TBC1D22A: variants seen among roughly 807,000 people sequenced by gnomAD.
The protein encoded by TBC1D22A is TBC1 domain family member 22A.
TBC1D22A carries 38 observed loss-of-function variants against 60.2 expected under a neutral mutation model. The ratio of observed to expected loss-of-function variants is 0.63; its 90% CI spans 0.49 to 0.83. The LOEUF (loss-of-function observed/expected upper bound fraction) is 0.83. Among genes scored for constraint, TBC1D22A ranks in the 40% least tolerant of loss-of-function variants. The pLI is 0.00. For synonymous variants in TBC1D22A, 302 were observed against 281.7 expected (o/e 1.07, Z -0.72); for missense variants, 628 against 701.0 (o/e 0.90, Z 1.18).
intron 11 of TBC1D22A, among the ~76,000 whole-genome samples, chr22:47,102,239 G>C (rs1697213928): frequency 6.6e-6 from 1 of 152,198 alleles, no homozygotes; most frequent in African/African-American, 2.4e-5. Context: ...GGACAGGCCT[G>C]GTGGCATGGA....
rs546282265 is a variant in TBC1D22A at position 46,956,913 on chromosome 22, G to A, written c.1016-17377G>A. Reference sequence around the variant, plus strand: ...TGCTGGTTAGGCTGGGGCCAGATCCGGCCTGAACTAAGTTCCAGAAGGGTG... The same window carrying A: ...TGCTGGTTAGGCTGGGGCCAGATCCAGCCTGAACTAAGTTCCAGAAGGGTG... On this transcript the variant is annotated intron_variant, in intron 8 of 12. Transcript: ENST00000337137. 8.5e-5 allele frequency among the ~76,000 whole-genome samples: 13 copies of A among 152,312 alleles called. No individual in the cohort carries two copies. In the East Asian group the frequency reaches 1.4e-3, roughly 16 times the overall value.
chr22:46,946,326 C>T (rs2072538013), intron 8 of TBC1D22A, among the ~76,000 whole-genome samples: 1 of 152,236 alleles, frequency 6.6e-6, no homozygotes, highest in South Asian at 2.1e-4. Flanking sequence ...ACACAGGCTT[C>T]TCCCACCAGG....
intron 8 of TBC1D22A, among the ~76,000 whole-genome samples, chr22:46,957,367 G>A (rs1232005188): frequency 6.6e-6 from 1 of 152,228 alleles, no homozygotes; most frequent in African/African-American, 2.4e-5. Context: ...AGCATGGCTG[G>A]AAGGCCTTAG....
chr22:46,853,448 C>T (rs1047079385), intron 4 of TBC1D22A, among the ~76,000 whole-genome samples: 2 of 152,220 alleles, frequency 1.3e-5, no homozygotes, highest in Admixed American at 6.5e-5. Context: ...GTAGGCCCCA[C>T]GCCTGGCTCT....
At chr22:46,866,228 C>A (rs2337123) in intron 4 of TBC1D22A, among the ~76,000 whole-genome samples, 1 of 152,000 alleles carries the variant, frequency 6.6e-6, no homozygotes, top group Non-Finnish European at 1.5e-5. Context: ...CTTCAGCCTC[C>A]CAAGTAGCTG....
intron 10 of TBC1D22A, among the ~76,000 whole-genome samples, chr22:47,017,942 T>G (rs570459245): frequency 2.7e-4 from 41 of 152,258 alleles, no homozygotes; most frequent in Non-Finnish European, 5.4e-4. Context: ...CTTTAATACG[T>G]TCCATTCCTG....
At chr22:47,144,443 G>A (rs1349013000) in intron 12 of TBC1D22A, among the ~76,000 whole-genome samples, 1 of 152,208 alleles carries the variant, frequency 6.6e-6, no homozygotes, top group African/African-American at 2.4e-5. Flanking sequence ...GCCCCACTTT[G>A]GGGGGCCCTG....
chr22:46,844,093 T>G (rs2086889206), intron 4 of TBC1D22A, among the ~76,000 whole-genome samples: 1 of 150,976 alleles, frequency 6.6e-6, no homozygotes, highest in Non-Finnish European at 1.5e-5. Flanking sequence ...CAGCCAGCCT[T>G]CCTGTGGGTG....
intron 11 of TBC1D22A, among the ~76,000 whole-genome samples, chr22:47,072,858 G>C (rs1391493365): frequency 2.0e-5 from 3 of 152,216 alleles, no homozygotes; most frequent in Non-Finnish European, 4.4e-5. Context: ...GACCTGCCCT[G>C]CCTGTCTGCT....
At chr22:46,963,119 G>A (rs191428569) in intron 8 of TBC1D22A, among the ~76,000 whole-genome samples, 147 of 151,872 alleles carry the variant, frequency 9.7e-4, no homozygotes, top group Non-Finnish European at 1.8e-3. Context: ...TGCTTGGGAG[G>A]CTGAGGCAGG....
chr22:46,770,289 C>CA (rs2146701262), intron 1 of TBC1D22A, among the ~76,000 whole-genome samples: 2 of 152,320 alleles, frequency 1.3e-5, no homozygotes, highest in South Asian at 4.1e-4. Flanking sequence ...CTGCATCCGC[C>CA]AGGAGCTGAA....
At chr22:46,782,215 C>T (rs907526801) in intron 1 of TBC1D22A, among the ~76,000 whole-genome samples, 1 of 152,202 alleles carries the variant, frequency 6.6e-6, no homozygotes, top group Non-Finnish European at 1.5e-5. Context: ...CCATCACACC[C>T]AGCTAATTCT....
At chr22:46,976,124 G>A (rs527702028) in intron 9 of TBC1D22A, among the ~76,000 whole-genome samples, 1 of 152,338 alleles carries the variant, frequency 6.6e-6, no homozygotes, top group South Asian at 2.1e-4. Context: ...CTCTGATGGT[G>A]AGTGATGGGA....
At chr22:47,161,032 C>T (rs999692357) in intron 12 of TBC1D22A, among the ~76,000 whole-genome samples, 1 of 152,186 alleles carries the variant, frequency 6.6e-6, no homozygotes, top group African/African-American at 2.4e-5. Context: ...AGGGGGGCAG[C>T]CCACCTGCCA....
At chr22:47,025,508 A>G (rs576601982) in intron 10 of TBC1D22A, among the ~76,000 whole-genome samples, 1 of 152,384 alleles carries the variant, frequency 6.6e-6, no homozygotes, top group East Asian at 1.9e-4. Flanking sequence ...CCCATGTATC[A>G]TAGAAGAAAC....
intron 4 of TBC1D22A, among the ~76,000 whole-genome samples, chr22:46,835,930 T>C (rs961360686): frequency 3.9e-5 from 6 of 152,040 alleles, no homozygotes; most frequent in African/African-American, 1.2e-4. Flanking sequence ...TGGGCTGATA[T>C]ATTCAAAGTA....
At chr22:46,874,176 G>T (rs180864841) in intron 4 of TBC1D22A, among the ~76,000 whole-genome samples, 50 of 152,242 alleles carry the variant, frequency 3.3e-4, no homozygotes, top group African/African-American at 1.2e-3. Flanking sequence ...TCTTTATGGA[G>T]TCTCTCATTG....
chr22:47,096,312 C>G (rs1004506412), intron 11 of TBC1D22A, among the ~76,000 whole-genome samples: 1 of 152,146 alleles, frequency 6.6e-6, no homozygotes, highest in Non-Finnish European at 1.5e-5. Context: ...TGGCCTCTCA[C>G]CTGATCCACT....
intron 11 of TBC1D22A, among the ~76,000 whole-genome samples, chr22:47,102,210 G>A (rs143622806): frequency 2.6e-5 from 4 of 152,296 alleles, no homozygotes; most frequent in Middle Eastern, 3.4e-3. Flanking sequence ...CCTGGAGAAC[G>A]GGGAGATCTT....
Sources: allele counts gnomAD v4.1 joint callset (sites outside exome capture counted in the v4.1 genomes callset), GRCh38; gene constraint gnomAD v4.1.1; transcripts MANE v1.5; gene names NCBI Gene and HGNC (gene_info 2026-07-23, HGNC 2026-07-21).